TRAP1: variants seen among roughly 807,000 people sequenced by gnomAD.
TRAP1 encodes the protein heat shock protein 75 kDa, mitochondrial.
TRAP1 carries 102 observed loss-of-function variants against 89.1 expected under a neutral mutation model. The ratio of observed to expected loss-of-function variants is 1.15; its 90% CI spans 0.98 to 1.35. The LOEUF (loss-of-function observed/expected upper bound fraction) is 1.35. Among genes scored for constraint, TRAP1 ranks in the 40% most tolerant of loss-of-function variants. The probability of loss-of-function intolerance (pLI) is 0.00; values close to 1 mark genes in which losing one functional copy is unlikely to be tolerated. For missense variants in TRAP1, 1,256 were observed against 945.3 expected (o/e 1.33, Z -4.31); for synonymous variants, 508 against 388.0 (o/e 1.31, Z -3.64).
intron 1 of TRAP1, among the ~76,000 whole-genome samples, chr16:3,698,787 T>C (rs1010479292): frequency 6.6e-6 from 1 of 151,776 alleles, no homozygotes; most frequent in African/African-American, 2.4e-5. Flanking sequence ...TAGTCTCAGC[T>C]ACTTGGGAGG....
intron 16 of TRAP1, 111 bp downstream of exon 16, chr16:3,661,876 T>A: frequency 7.4e-7 from 1 of 1,358,452 alleles, no homozygotes; most frequent in East Asian, 2.6e-5. Context: ...TACCCACATG[T>A]CCACAGGCCT....
intron 1 of TRAP1, 109 bp downstream of exon 1, chr16:3,717,312 C>T (rs990004451): frequency 2.5e-6 from 1 of 398,064 alleles, no homozygotes; most frequent in Non-Finnish European, 4.2e-6. Flanking sequence ...GCCGGACCTC[C>T]CACGCCTGTG....
At chr16:3,690,312 C>T (rs978367440) in intron 2 of TRAP1, among the ~76,000 whole-genome samples, 4 of 152,136 alleles carry the variant, frequency 2.6e-5, no homozygotes, top group Non-Finnish European at 5.9e-5. Flanking sequence ...GGACTATATT[C>T]TTCAAAAAAG....
intron 1 of TRAP1, among the ~76,000 whole-genome samples, chr16:3,694,773 C>T (rs376993922): frequency 2.0e-5 from 3 of 152,184 alleles, no homozygotes; most frequent in Non-Finnish European, 4.4e-5. Flanking sequence ...CCACTGTACC[C>T]GGCCTTCAAA....
chr16:3,687,959 G>A (rs976783172), intron 3 of TRAP1, among the ~76,000 whole-genome samples: 2 of 152,070 alleles, frequency 1.3e-5, no homozygotes, highest in African/African-American at 2.4e-5. Flanking sequence ...TGATCTGGGC[G>A]GAAGCTGGAG....
At chr16:3,687,878 C>CCAAAAAAAAAAAAAAAAA (rs2051158510) in intron 3 of TRAP1, among the ~76,000 whole-genome samples, 1 of 138,774 alleles carries the variant, frequency 7.2e-6, no homozygotes, top group Non-Finnish European at 1.5e-5. Flanking sequence ...AAAAAAAAAA[C>CCAAAAAAAAAAAAAAAAA]AAAAACCCAC....
intron 1 of TRAP1, among the ~76,000 whole-genome samples, chr16:3,715,565 C>T (rs1000531087): frequency 1.3e-5 from 2 of 152,048 alleles, no homozygotes; most frequent in East Asian, 1.9e-4. Context: ...CACCTGTGGA[C>T]GCGAGACCAC....
chr16:3,712,895 C>T (rs545158123), intron 1 of TRAP1, among the ~76,000 whole-genome samples: 1 of 152,268 alleles, frequency 6.6e-6, no homozygotes. Flanking sequence ...GGATTACAGA[C>T]GAGAGCCACC....
At chr16:3,660,822 G>T (rs965629790) in intron 16 of TRAP1, 4 of 152,202 alleles carry the variant, frequency 2.6e-5, no homozygotes, top group Admixed American at 1.3e-4. Context: ...ACTTCGGGAG[G>T]CTAAGGCAGG....
At chr16:3,663,595 C>G in intron 13 of TRAP1, 33 bp from the exon 14 acceptor site, 2 of 1,611,546 alleles carry the variant, frequency 1.2e-6, no homozygotes, top group Non-Finnish European at 1.7e-6. Context: ...CCATCAGACC[C>G]CGGGGGCCTC....
At chr16:3,683,520 G>C (rs1019825081) in intron 4 of TRAP1, among the ~76,000 whole-genome samples, 6 of 151,476 alleles carry the variant, frequency 4.0e-5, no homozygotes, top group African/African-American at 1.5e-4. Context: ...TGAGCAGCTG[G>C]GATTACAGGT....
At chr16:3,684,862 G>C (rs2051118112) in intron 4 of TRAP1, among the ~76,000 whole-genome samples, 1 of 152,084 alleles carries the variant, frequency 6.6e-6, no homozygotes, top group Non-Finnish European at 1.5e-5. Flanking sequence ...GAAAAACTGG[G>C]TCCCAAAGGA....
At chr16:3,715,717 C>A (rs756358096) in intron 1 of TRAP1, among the ~76,000 whole-genome samples, 27 of 152,118 alleles carry the variant, frequency 1.8e-4, no homozygotes, top group Non-Finnish European at 3.1e-4. Context: ...GAGGGCAAGG[C>A]AGGCAGATCA....
chr16:3,688,006 G>A (rs2051160834), intron 3 of TRAP1, among the ~76,000 whole-genome samples: 1 of 152,096 alleles, frequency 6.6e-6, no homozygotes. Context: ...TCATCAGTAC[G>A]AAACCCGGAA....
rs2050740729 is a variant in TRAP1, at chr16:3,663,518, G to A, written c.1614C>T (p.His538=). 2 of 1,614,070 alleles carry A rather than the reference G, an allele frequency of 1.2e-6. No individual in the cohort carries two copies. Among genetic ancestry groups the A allele is most frequent in the East Asian group, 2.2e-5 (1 of 44,876 alleles). Residue 538 remains histidine, a synonymous_variant, in exon 14 of 18, where the codon CAC becomes CAT. Transcript: ENST00000246957. Reference sequence around the variant, plus strand: ...GCTTCTTCTTGTCAAACTCACGAAGGTGCAGCAGGGTGAGCTCATCAAACT... The same window carrying A: ...GCTTCTTCTTGTCAAACTCACGAAGATGCAGCAGGGTGAGCTCATCAAACT... ...FEQFDELTLL[H]LREFDKKKLI...
At chr16:3,672,543 G>A (rs568297005) in intron 10 of TRAP1, among the ~76,000 whole-genome samples, 157 bp downstream of exon 10, 7 of 152,250 alleles carry the variant, frequency 4.6e-5, no homozygotes, top group East Asian at 1.9e-4. Context: ...GGCAGCTCCC[G>A]GGGTCTGTAA....
intron 10 of TRAP1, 134 bp from the exon 11 acceptor site, chr16:3,671,925 G>T: frequency 1.1e-6 from 1 of 918,342 alleles, no homozygotes; most frequent in Non-Finnish European, 1.7e-6. Flanking sequence ...GCAGGGAGGC[G>T]GCACTGCCGG....
chr16:3,702,584 A>T (rs1049838713), intron 1 of TRAP1, among the ~76,000 whole-genome samples: 1 of 151,498 alleles, frequency 6.6e-6, no homozygotes, highest in African/African-American at 2.4e-5. Context: ...CCCTACCAAA[A>T]ATACAAAAAC....
At position 3,663,473 on chromosome 16, in the gene TRAP1, G is replaced by C. The variant is rs1364751580; in HGVS notation, c.1659C>G (p.Asp553Glu). The C allele has an allele frequency of 5.0e-6, 8 of 1,614,176 alleles. No individual in the cohort carries two copies. The Admixed American group carries it at 6.7e-5, about 13-fold the overall frequency. ...CCTCCTTGTAGTGATCCACGACTAT[G>C]TCCGTCTCCACAGAGATCAGCTTCT... ...DKKKLISVET[D>E]IVVDHYKEEK... The change falls in exon 14 of 18, where the codon GAC becomes GAG. Residue 553 changes from aspartate to glutamate, a missense_variant. Physicochemically the swap from Asp to Glu is conservative, Grantham distance 45. Coordinates refer to ENST00000246957, the MANE Select transcript of TRAP1 (RefSeq NM_016292.3).
Sources: gnomAD v4.1 joint callset for allele counts (sites outside exome capture counted in the v4.1 genomes callset) on GRCh38, gnomAD v4.1.1 for gene constraint, MANE v1.5 for transcripts, NCBI Gene and HGNC (gene_info 2026-07-23, HGNC 2026-07-21) for gene names.